Variants in IL1RAPL1 observed in about 807,000 individuals in gnomAD.
IL1RAPL1 encodes the protein interleukin-1 receptor accessory protein-like 1.
Under a neutral mutation model 48.4 loss-of-function variants are expected in IL1RAPL1, and 3 were observed. The observed-to-expected ratio is 0.06, with a 90% CI of 0.03 to 0.16. The LOEUF (loss-of-function observed/expected upper bound fraction) is 0.16, where lower values mean the gene tolerates loss of function less well. Among genes scored for constraint, IL1RAPL1 ranks in the 10% least tolerant of loss-of-function variants. The pLI is 1.00. For missense variants in IL1RAPL1, 349 were observed against 530.6 expected (o/e 0.66, Z 3.36); for synonymous variants, 185 against 187.7 (o/e 0.99, Z 0.12).
chrX:29,059,672 A>G (rs1927299208), intron 2 of IL1RAPL1, among the ~76,000 whole-genome samples: 1 of 111,932 alleles, frequency 8.9e-6, no homozygotes, highest in Non-Finnish European at 1.9e-5. Flanking sequence ...AAGTCTTTGC[A>G]TAATTTGATA....
At chrX:28,602,041 G>T (rs1366335204) in intron 1 of IL1RAPL1, among the ~76,000 whole-genome samples, 1 of 104,850 alleles carries the variant, frequency 9.5e-6, no homozygotes, top group Admixed American at 1.1e-4. Flanking sequence ...GGAGGCGGAG[G>T]TTACAGTGAG....
At chrX:28,648,006 A>G (rs1934635035) in intron 1 of IL1RAPL1, among the ~76,000 whole-genome samples, 1 of 111,632 alleles carries the variant, frequency 9.0e-6, no homozygotes, top group Non-Finnish European at 1.9e-5. Context: ...AAGATCCTAA[A>G]TAGGCTGTCC....
chrX:29,577,520 C>A (rs1922817569), intron 5 of IL1RAPL1, among the ~76,000 whole-genome samples: 1 of 111,647 alleles, frequency 9.0e-6, no homozygotes, highest in Non-Finnish European at 1.9e-5. Flanking sequence ...TCGCTCAGTA[C>A]CCCAATCTGA....
At chrX:29,245,908 A>T (rs1931503109) in intron 2 of IL1RAPL1, among the ~76,000 whole-genome samples, 1 of 111,561 alleles carries the variant, frequency 9.0e-6, no homozygotes, top group Non-Finnish European at 1.9e-5. Context: ...TTACTAGATG[A>T]ATCAAACCTG....
intron 2 of IL1RAPL1, among the ~76,000 whole-genome samples, chrX:28,935,651 G>A (rs1923997990): frequency 8.9e-6 from 1 of 111,879 alleles, no homozygotes; most frequent in African/African-American, 3.2e-5. Flanking sequence ...CTTGTATGAT[G>A]TGAGACTTGT....
chrX:29,635,403 A>G (rs1376613873), intron 5 of IL1RAPL1, among the ~76,000 whole-genome samples: 2 of 112,112 alleles, frequency 1.8e-5, no homozygotes, highest in African/African-American at 3.2e-5. Flanking sequence ...ACTTGAAGCA[A>G]AAATCAATAA....
chrX:28,679,400 A>C (rs775072303), intron 1 of IL1RAPL1, among the ~76,000 whole-genome samples: 1 of 111,032 alleles, frequency 9.0e-6, no homozygotes, highest in African/African-American at 3.3e-5. Context: ...CCCACTTCGT[A>C]AGTTTTGTTT....
intron 2 of IL1RAPL1, among the ~76,000 whole-genome samples, chrX:29,226,533 A>G (rs1377664860): frequency 1.9e-5 from 2 of 105,985 alleles, no homozygotes; most frequent in African/African-American, 3.5e-5. Context: ...CCTGGGTTCA[A>G]GCAATTTTCC....
chrX:29,333,514 C>T (rs1932917024), intron 3 of IL1RAPL1, among the ~76,000 whole-genome samples: 1 of 87,435 alleles, frequency 1.1e-5, no homozygotes, highest in Non-Finnish European at 2.3e-5. Flanking sequence ...CCGGACGGGG[C>T]GGCTGGCCAG....
intron 6 of IL1RAPL1, among the ~76,000 whole-genome samples, chrX:29,906,284 C>G (rs1449060010): frequency 3.9e-5 from 4 of 101,377 alleles, no homozygotes; most frequent in African/African-American, 7.2e-5. Context: ...GCAGTGAGCC[C>G]AGATCGCGCC....
In IL1RAPL1 at chrX:29,661,337, CAA is replaced by C. The variant is rs550780709; in HGVS notation, c.704-7091_704-7090del. On this transcript the variant is annotated intron_variant, in intron 5 of 10. Transcript: ENST00000378993. ...TCTTTCTATTGCCTAATTGTTTTTA[CAA>C]AGACTTGCAGTACTATGTTGAATAC... Among the ~76,000 whole-genome samples the C allele has an allele frequency of 5.4e-5, 6 of 112,115 alleles. No individual in the cohort carries two copies. The South Asian group carries it at 2.2e-3, about 42-fold the overall frequency.
At chrX:29,303,053 T>C (rs756071245) in intron 3 of IL1RAPL1, among the ~76,000 whole-genome samples, 5 of 112,028 alleles carry the variant, frequency 4.5e-5, no homozygotes, top group Non-Finnish European at 9.4e-5. Context: ...TTTCTTCTAC[T>C]AGGAATCTTA....
intron 5 of IL1RAPL1, among the ~76,000 whole-genome samples, chrX:29,540,366 T>G (rs1379014873): frequency 9.0e-6 from 1 of 111,537 alleles, no homozygotes; most frequent in East Asian, 2.8e-4. Context: ...CAAAGCAATC[T>G]ACAGATTCCA....
At chrX:28,691,364 T>C (rs1935177083) in intron 1 of IL1RAPL1, among the ~76,000 whole-genome samples, 1 of 112,133 alleles carries the variant, frequency 8.9e-6, no homozygotes, top group South Asian at 3.7e-4. Context: ...TTCAGTGTTA[T>C]AGCCTCAGGA....
intron 2 of IL1RAPL1, among the ~76,000 whole-genome samples, chrX:28,802,323 G>A (rs751777554): frequency 3.6e-5 from 4 of 112,018 alleles, no homozygotes; most frequent in Non-Finnish European, 7.5e-5. Context: ...ATTTCTTTTT[G>A]TAGAGTTATG....
chrX:29,882,659 C>CA (rs1021229174), intron 6 of IL1RAPL1, among the ~76,000 whole-genome samples: 15 of 111,808 alleles, frequency 1.3e-4, no homozygotes, highest in African/African-American at 4.5e-4. Context: ...ACTTTATTTA[C>CA]AAAAACAGGC....
At chrX:29,650,776 T>C (rs919247240) in intron 5 of IL1RAPL1, among the ~76,000 whole-genome samples, 1 of 110,128 alleles carries the variant, frequency 9.1e-6, no homozygotes, top group African/African-American at 3.3e-5. Flanking sequence ...AATAGACAAA[T>C]GGAATTTTAT....
At position 29,522,016 on chromosome X, in the gene IL1RAPL1, C is replaced by T. The variant is rs1043090201; in HGVS notation, c.703+122708C>T. On this transcript the variant is annotated intron_variant, in intron 5 of 10. Transcript: ENST00000378993. The stretch of plus-strand genomic sequence containing the variant: ...AGGAAGTGGCCAAGCTGACAGATTG[C>T]TAATATTACCATTGTCTAATTACAG... Among the ~76,000 whole-genome samples the T allele has an allele frequency of 2.7e-5, 3 of 111,864 alleles. No individual in the cohort carries two copies. The Admixed American group carries it at 2.8e-4, about 11-fold the overall frequency.
chrX:28,857,122 C>T (rs936762355), intron 2 of IL1RAPL1, among the ~76,000 whole-genome samples: 8 of 112,144 alleles, frequency 7.1e-5, no homozygotes, highest in African/African-American at 9.7e-5. Context: ...CATTCCCTTA[C>T]GCCAAAGCCT....
Sources: allele counts gnomAD v4.1 joint callset (sites outside exome capture counted in the v4.1 genomes callset), GRCh38; gene constraint gnomAD v4.1.1; transcripts MANE v1.5; gene names NCBI Gene and HGNC (gene_info 2026-07-23, HGNC 2026-07-21).